Variants in WDR11 observed in about 807,000 individuals in gnomAD.
The protein encoded by WDR11 is WD repeat-containing protein 11.
Under a neutral mutation model 151.2 loss-of-function variants are expected in WDR11, and 83 were observed. The ratio of observed to expected loss-of-function variants is 0.55; its 90% CI spans 0.46 to 0.66. The LOEUF (loss-of-function observed/expected upper bound fraction) is 0.66, where lower values mean the gene tolerates loss of function less well. Among genes scored for constraint, WDR11 ranks in the 30% least tolerant of loss-of-function variants. The probability of loss-of-function intolerance (pLI) is 0.00; values close to 1 mark genes in which losing one functional copy is unlikely to be tolerated. For missense variants in WDR11, 1,301 were observed against 1,480.9 expected (o/e 0.88, Z 1.99); for synonymous variants, 484 against 533.1 (o/e 0.91, Z 1.27).
At chr10:120,872,447 A>G (rs1343951501) in intron 10 of WDR11, among the ~76,000 whole-genome samples, 1 of 152,154 alleles carries the variant, frequency 6.6e-6, no homozygotes, top group African/African-American at 2.4e-5. Context: ...CTTGGGGAAA[A>G]CTACTTCTTG....
intron 12 of WDR11, chr10:120,880,054 T>C (rs1171640223): frequency 6.6e-6 from 1 of 152,226 alleles, no homozygotes; most frequent in Non-Finnish European, 1.5e-5. Flanking sequence ...ATTTTGCACA[T>C]GGGACAAGAA....
intron 21 of WDR11, among the ~76,000 whole-genome samples, chr10:120,901,411 ACCT>A (rs1453796426): frequency 6.6e-6 from 1 of 152,136 alleles, no homozygotes. Context: ...TCTACTACAA[ACCT>A]CCATGAAGCC....
chr10:120,897,357 A>T (rs1349428608), intron 19 of WDR11, among the ~76,000 whole-genome samples: 1 of 152,212 alleles, frequency 6.6e-6, no homozygotes, highest in Non-Finnish European at 1.5e-5. Flanking sequence ...ATGTCAAATC[A>T]CTGAGTAAAA....
At chr10:120,874,176 G>GTTTT (rs66873217) in intron 11 of WDR11, among the ~76,000 whole-genome samples, 3,263 of 82,716 alleles carry the variant, frequency 0.039, 131 homozygotes, top group Middle Eastern at 0.092. Flanking sequence ...GGTTTTTGCA[G>GTTTT]TTTTTTTTTT....
chr10:120,858,710 C>G lies in WDR11; in HGVS notation c.266C>G (p.Ala89Gly). The part of the protein sequence containing the change: ...GSPYCLRLAS[A>G]DVNGKIIVWD... ...CCATATTGCTTACGGTTAGCTTCTGCTGATGTCAATGGGAAGATCATCGTC... is the reference window on the plus strand; with the variant it reads ...CCATATTGCTTACGGTTAGCTTCTGGTGATGTCAATGGGAAGATCATCGTC... The change falls in exon 3 of 29, where the codon GCT (alanine) becomes GGT (glycine). Residue 89 changes from alanine (A) to glycine (G), a missense_variant. This residue lies in a region of WDR11 where 692 missense variants were observed against 762.5 expected (regional missense o/e 0.91). Transcript: ENST00000263461. 1 of 1,614,214 alleles carries G rather than the reference C, an allele frequency of 6.2e-7. No homozygotes were observed. The highest frequency in any genetic ancestry group is 1.3e-5 in the African/African-American group (1 of 75,060).
rs7087382 is a variant in WDR11, at chr10:120,861,413, T to C, written c.526+1131T>C. Reference sequence around the variant, plus strand: ...TTGGTCACCAGTTTACTTACTCACATAGGTGCAGTGCTGGGGAAACACCTA... The same window carrying C: ...TTGGTCACCAGTTTACTTACTCACACAGGTGCAGTGCTGGGGAAACACCTA... On this transcript the variant is annotated intron_variant, in intron 4 of 28. Coordinates refer to ENST00000263461, the MANE Select transcript of WDR11 (RefSeq NM_018117.12). 3.2e-3 allele frequency among the ~76,000 whole-genome samples: 487 copies of C among 152,290 alleles called. 2 individuals are homozygous for C. Among genetic ancestry groups the C allele is most frequent in the African/African-American group, 0.011 (464 of 41,564 alleles).
At chr10:120,852,493 T>C in intron 1 of WDR11, 31 bp from the exon 2 acceptor site, 3 of 1,590,122 alleles carry the variant, frequency 1.9e-6, no homozygotes, top group Middle Eastern at 1.7e-4. Context: ...CTTTGTTCTG[T>C]ACTTAAACTT....
intron 10 of WDR11, among the ~76,000 whole-genome samples, chr10:120,872,290 A>C (rs919064875): frequency 6.6e-6 from 1 of 152,232 alleles, no homozygotes; most frequent in Non-Finnish European, 1.5e-5. Flanking sequence ...TATATAATGC[A>C]GATAAATGTT....
At chr10:120,883,639 A>G (rs1847108145) in intron 13 of WDR11, 141 bp from the exon 14 acceptor site, 2 of 690,228 alleles carry the variant, frequency 2.9e-6, no homozygotes, top group Non-Finnish European at 5.1e-6. Context: ...ACTGTTAATC[A>G]TGGTGCTAAA....
Position 120,885,804 on chromosome 10 carries a change from T to C in WDR11, c.1849-10T>C. ...TAGCACTTCTAGGTTTGTCTGCATT[T>C]GCTTTACAGGAGTGGTCACCATCTC... is the stretch of plus-strand genomic sequence containing the variant. On this transcript the variant is annotated splice_polypyrimidine_tract_variant and intron_variant, in intron 14 of 28. Transcript: ENST00000263461. 1 of 1,613,558 alleles carries C rather than the reference T, an allele frequency of 6.2e-7. No individual in the cohort carries two copies. The highest frequency in any genetic ancestry group is 1.3e-5 in the African/African-American group (1 of 75,014).
chr10:120,905,354 G>A lies in WDR11; in HGVS notation c.3229G>A (p.Ala1077Thr). The A allele has an allele frequency of 6.2e-7, 1 of 1,614,144 alleles. No homozygotes were observed. Among genetic ancestry groups the A allele is most frequent in the Non-Finnish European group, 8.5e-7 (1 of 1,180,028 alleles). The change falls in exon 26 of 29, where the codon GCA becomes ACA. Residue 1077 changes from alanine to threonine, a missense_variant. By Grantham distance (58) the Ala-to-Thr change is moderately conservative. Transcript: ENST00000263461. ...VQLLCLIDKA[A>T]DACRYLQTYG... ...GTTGCTCTGCCTGATAGATAAGGCT[G>A]CAGACGCCTGCCGCTACCTGCAGAC...
intron 9 of WDR11, among the ~76,000 whole-genome samples, chr10:120,868,233 C>G (rs559037745): frequency 6.6e-6 from 1 of 152,184 alleles, no homozygotes; most frequent in East Asian, 1.9e-4. Context: ...GCGGGAGGAT[C>G]ACTTGAGGTC....
chr10:120,885,905 C>T lies in WDR11; in HGVS notation c.1940C>T (p.Thr647Ile). Residue 647 changes from threonine to isoleucine, a missense_variant, in exon 15 of 29, where the codon ACA becomes ATA. Thr to Ile is a moderately conservative substitution (Grantham distance 89). Transcript: ENST00000263461. ...AMARQTVVSDTELSIVESSVI... is the reference protein window; with the variant it reads ...AMARQTVVSDIELSIVESSVI... ...GCCCGCCAGACCGTAGTCTCAGACA[C>T]AGAGCTGAGTATTGTTGAATCATCT... 6.2e-7 allele frequency: 1 copy of T among 1,613,818 alleles called. No homozygotes were observed. Among genetic ancestry groups the T allele is most frequent in the Non-Finnish European group, 8.5e-7 (1 of 1,179,784 alleles).
At chr10:120,891,000 G>C in intron 19 of WDR11, 113 bp downstream of exon 19, 1 of 1,175,766 alleles carries the variant, frequency 8.5e-7, no homozygotes, top group Non-Finnish European at 1.2e-6. Context: ...TATTTTCTTA[G>C]AATCTGAGTT....
chr10:120,897,135 A>T (rs990027584), intron 19 of WDR11, among the ~76,000 whole-genome samples: 3 of 152,182 alleles, frequency 2.0e-5, no homozygotes, highest in Admixed American at 6.6e-5. Context: ...ACGAAAACTA[A>T]TGGTGGTATT....
chr10:120,901,433 G>A (rs1189200923), intron 21 of WDR11, among the ~76,000 whole-genome samples: 1 of 152,168 alleles, frequency 6.6e-6, no homozygotes, highest in Non-Finnish European at 1.5e-5. Context: ...CCTCACAGCG[G>A]GAGACGAATC....
intron 28 of WDR11, 47 bp downstream of exon 28, chr10:120,906,902 G>A (rs769484545): frequency 6.2e-7 from 1 of 1,613,698 alleles, no homozygotes; most frequent in Non-Finnish European, 8.5e-7. Flanking sequence ...AAAGTGACAT[G>A]CATGGGTTTT....
intron 2 of WDR11, among the ~76,000 whole-genome samples, chr10:120,855,512 C>T (rs1590051626): frequency 1.3e-5 from 2 of 151,414 alleles, no homozygotes; most frequent in African/African-American, 4.9e-5. Flanking sequence ...TGATGTAGTC[C>T]AATTTATTAT....
At chr10:120,889,820 G>A (rs1847356163) in intron 17 of WDR11, 75 bp from the exon 18 acceptor site, 1 of 986,446 alleles carries the variant, frequency 1.0e-6, no homozygotes, top group Non-Finnish European at 1.6e-6. Context: ...GAAATAGTGA[G>A]AGATGTTAGA....
Sources: allele counts gnomAD v4.1 joint callset (sites outside exome capture counted in the v4.1 genomes callset), GRCh38; gene constraint gnomAD v4.1.1; regional missense constraint gnomAD v4.1.1; transcripts MANE v1.5; gene names NCBI Gene and HGNC (gene_info 2026-07-23, HGNC 2026-07-21).